RAD23B: variants seen among roughly 807,000 people sequenced by gnomAD.
RAD23B encodes the protein lysine-specific demethylase RAD23B.
In RAD23B, 5 loss-of-function variants were observed where a neutral mutation model predicts 49.1. The ratio of observed to expected loss-of-function variants is 0.10; its 90% CI spans 0.05 to 0.21. RAD23B has a LOEUF of 0.21. Among genes scored for constraint, RAD23B ranks in the 10% least tolerant of loss-of-function variants. The pLI, the probability that RAD23B is intolerant of heterozygous loss-of-function variation, is 1.00. For synonymous variants in RAD23B, 184 were observed against 165.4 expected (o/e 1.11, Z -0.86); for missense variants, 356 against 486.7 (o/e 0.73, Z 2.53).
intron 3 of RAD23B, among the ~76,000 whole-genome samples, chr9:107,305,089 G>T (rs1347660406): frequency 6.6e-6 from 1 of 151,768 alleles, no homozygotes; most frequent in Admixed American, 6.6e-5. Context: ...AGGTGTTGGA[G>T]ACCTGTCTGG....
At chr9:107,297,044 G>T (rs1247315911) in intron 1 of RAD23B, among the ~76,000 whole-genome samples, 16 of 151,826 alleles carry the variant, frequency 1.1e-4, no homozygotes, top group Admixed American at 1.0e-3. Flanking sequence ...AGTAGAGACG[G>T]GGTTTCACCA....
At chr9:107,293,834 A>C (rs554913873) in intron 1 of RAD23B, among the ~76,000 whole-genome samples, 1 of 152,328 alleles carries the variant, frequency 6.6e-6, no homozygotes, top group East Asian at 1.9e-4. Flanking sequence ...CTCAGGCTGG[A>C]GTACGCTGAC....
chr9:107,325,994 T>C (rs796336319), intron 9 of RAD23B, among the ~76,000 whole-genome samples: 27 of 152,320 alleles, frequency 1.8e-4, no homozygotes, highest in African/African-American at 6.5e-4. Flanking sequence ...GATCATGTGA[T>C]TTTTGTCCTT....
chr9:107,287,216 A>G (rs115248785), intron 1 of RAD23B, among the ~76,000 whole-genome samples: 1,954 of 133,316 alleles, frequency 0.015, 52 homozygotes, highest in African/African-American at 0.056. Context: ...AGGTAGATTT[A>G]GGAATAAACC....
intron 1 of RAD23B, among the ~76,000 whole-genome samples, chr9:107,290,344 AT>A (rs1362876582): frequency 6.6e-6 from 1 of 151,792 alleles, no homozygotes; most frequent in Non-Finnish European, 1.5e-5. Context: ...TTCATCACTG[AT>A]TTTTCCCATT....
intron 7 of RAD23B, among the ~76,000 whole-genome samples, chr9:107,323,669 G>A (rs1221844057): frequency 1.3e-5 from 2 of 152,130 alleles, no homozygotes; most frequent in African/African-American, 2.4e-5. Context: ...TACAGTCAGC[G>A]TTCTGCACTC....
At chr9:107,311,324 G>T (rs778410869) in intron 4 of RAD23B, among the ~76,000 whole-genome samples, 26 of 152,082 alleles carry the variant, frequency 1.7e-4, no homozygotes, top group Non-Finnish European at 3.7e-4. Context: ...CTTCTGGTGT[G>T]ACTTGATTTA....
At chr9:107,327,373 A>G (rs1328140339) in intron 9 of RAD23B, among the ~76,000 whole-genome samples, 2 of 152,144 alleles carry the variant, frequency 1.3e-5, no homozygotes, top group African/African-American at 4.8e-5. Context: ...AGATTAAATT[A>G]TTATCTATCT....
At chr9:107,300,649 T>TA (rs1264387278) in intron 2 of RAD23B, among the ~76,000 whole-genome samples, 1 of 152,242 alleles carries the variant, frequency 6.6e-6, no homozygotes, top group East Asian at 1.9e-4. Flanking sequence ...AAAAAATTAA[T>TA]ATTCAGATTA....
chr9:107,307,084 T>C (rs1275665369), intron 4 of RAD23B, among the ~76,000 whole-genome samples: 1 of 152,248 alleles, frequency 6.6e-6, no homozygotes, highest in Non-Finnish European at 1.5e-5. Context: ...CCCGTAGTTA[T>C]ATAGCATTGT....
chr9:107,294,821 TGGATTATCC>T (rs1254406929), intron 1 of RAD23B, among the ~76,000 whole-genome samples: 4 of 152,038 alleles, frequency 2.6e-5, no homozygotes, highest in Non-Finnish European at 5.9e-5. Context: ...GTAGACACGA[TGGATTATCC>T]TGGAAGTCTA....
rs530855401 is a variant in RAD23B at position 107,330,188 on chromosome 9, G to A, written c.*532G>A. 6.6e-6 allele frequency: 1 copy of A among 152,668 alleles called. No individual in the cohort carries two copies. Among genetic ancestry groups the A allele is most frequent in the Non-Finnish European group, 1.5e-5 (1 of 68,020 alleles). 9.5% of individuals were successfully genotyped at this position (152,668 alleles called of 1,614,324 possible). Reference sequence around the variant, plus strand: ...AAATAAGTATAAAATTAATATGTAAGGAAGCCCATTCTTTCATGTTAAATA... The same window carrying A: ...AAATAAGTATAAAATTAATATGTAAAGAAGCCCATTCTTTCATGTTAAATA... On this transcript the variant is annotated 3_prime_UTR_variant, in exon 10 of 10. Coordinates refer to ENST00000358015, the MANE Select transcript of RAD23B (RefSeq NM_002874.5). This position sits in a 1 kb window ranked among gnomAD's most constrained non-coding sequence, Gnocchi z 4.4.
intron 5 of RAD23B, among the ~76,000 whole-genome samples, chr9:107,312,431 C>T (rs562544317): frequency 6.6e-6 from 1 of 152,274 alleles, no homozygotes; most frequent in Admixed American, 6.5e-5. Flanking sequence ...TGGATTCCTG[C>T]TTAGCTTCTA....
chr9:107,305,134 A>AG (rs889323702), intron 3 of RAD23B, among the ~76,000 whole-genome samples: 2 of 152,020 alleles, frequency 1.3e-5, no homozygotes, highest in Non-Finnish European at 2.9e-5. Flanking sequence ...ACAAAAAAAA[A>AG]AAATACAAAA....
rs181967791 is a variant in RAD23B, at chr9:107,304,116, A to T, written c.228+2002A>T. ...AGCACTGAGAAATGACCTTATTAAT[A>T]CAAAGAAGGGAAAGGAAAAAGCTAT... is the stretch of plus-strand genomic sequence containing the variant. On this transcript the variant is annotated intron_variant, in intron 3 of 9. Transcript: ENST00000358015. 6.1e-3 allele frequency among the ~76,000 whole-genome samples: 926 copies of T among 151,038 alleles called. 33 individuals are homozygous for T. Among genetic ancestry groups the T allele is most frequent in the Admixed American group, 0.056 (857 of 15,216 alleles).
chr9:107,329,587 T>C lies in RAD23B; in HGVS notation c.1161T>C (p.Tyr387=), dbSNP rs1288796503. 9.9e-6 allele frequency: 16 copies of C among 1,613,488 alleles called. No homozygotes were observed. The highest frequency in any genetic ancestry group is 1.4e-5 in the Non-Finnish European group (16 of 1,179,564). ...GFPEGLVIQA[Y]FACEKNENLA... ...CTGAAGGACTTGTGATACAAGCGTA[T>C]TTTGCTTGTGAGAAGAATGAGAATT... Residue 387 remains tyrosine (Y), a synonymous_variant, in exon 10 of 10, where the codon TAT becomes TAC. Transcript: ENST00000358015.
At chr9:107,284,015 C>G in intron 1 of RAD23B, 1 of 1,075,644 alleles carries the variant, frequency 9.3e-7, no homozygotes. Context: ...TCCAGGCCGT[C>G]TCAGCCGTAG....
intron 3 of RAD23B, among the ~76,000 whole-genome samples, chr9:107,303,710 C>T (rs1442136685): frequency 6.6e-6 from 1 of 152,100 alleles, no homozygotes; most frequent in African/African-American, 2.4e-5. Flanking sequence ...TAGCTTGTGC[C>T]AGAATTTGCT....
intron 1 of RAD23B, among the ~76,000 whole-genome samples, chr9:107,295,632 G>A (rs1160091023): frequency 6.6e-6 from 1 of 152,188 alleles, no homozygotes; most frequent in Non-Finnish European, 1.5e-5. Flanking sequence ...ATGCAGATTT[G>A]AGATATTCTT....
Sources: gnomAD v4.1 joint callset for allele counts (sites outside exome capture counted in the v4.1 genomes callset) on GRCh38, gnomAD v4.1.1 for gene constraint, Gnocchi (gnomAD v3.1) non-coding constraint, MANE v1.5 for transcripts, NCBI Gene and HGNC (gene_info 2026-07-23, HGNC 2026-07-21) for gene names.